Variants in NIBAN1 observed in about 807,000 individuals in gnomAD.
NIBAN1 encodes niban apoptosis regulator 1.
In NIBAN1, 81 loss-of-function variants were observed where a neutral mutation model predicts 75.1. That is an observed-to-expected ratio of 1.08 (90% CI 0.90 to 1.30). The LOEUF is 1.30. Ranked by LOEUF, NIBAN1 falls within the 50% of genes most tolerant of loss-of-function variation. NIBAN1 has a pLI of 0.00. For missense variants in NIBAN1, 1,133 were observed against 1,128.1 expected, an observed-to-expected ratio of 1.00 and a Z score of -0.06; for synonymous variants, 436 against 424.8, an observed-to-expected ratio of 1.03 and a Z score of -0.32.
intron 1 of NIBAN1, among the ~76,000 whole-genome samples, chr1:184,962,673 A>T (rs1658679372): frequency 6.6e-6 from 1 of 152,174 alleles, no homozygotes. Context: ...ATCAAATACT[A>T]CTGGGGTAAT....
intron 5 of NIBAN1, among the ~76,000 whole-genome samples, chr1:184,871,111 C>G (rs1656094615): frequency 6.6e-6 from 1 of 151,970 alleles, no homozygotes; most frequent in Non-Finnish European, 1.5e-5. Flanking sequence ...TTTTGGGAGG[C>G]CAAGGTGGGC....
chr1:184,825,477 T>C (rs1327393582), intron 6 of NIBAN1, among the ~76,000 whole-genome samples: 1 of 152,126 alleles, frequency 6.6e-6, no homozygotes, highest in Non-Finnish European at 1.5e-5. Context: ...AACAAATATT[T>C]GGAACATTTA....
At chr1:184,921,874 T>C (rs1161886926) in intron 1 of NIBAN1, among the ~76,000 whole-genome samples, 1 of 152,240 alleles carries the variant, frequency 6.6e-6, no homozygotes, top group East Asian at 1.9e-4. Flanking sequence ...GCACGTAGGC[T>C]CAACTTTAAA....
At chr1:184,922,011 G>A (rs945877892) in intron 1 of NIBAN1, among the ~76,000 whole-genome samples, 4 of 151,882 alleles carry the variant, frequency 2.6e-5, no homozygotes, top group East Asian at 1.9e-4. Flanking sequence ...TGAATTACAC[G>A]CACATAATTA....
intron 5 of NIBAN1, among the ~76,000 whole-genome samples, chr1:184,860,679 G>A (rs1655794202): frequency 6.6e-6 from 1 of 152,144 alleles, no homozygotes; most frequent in South Asian, 2.1e-4. Context: ...CTGTCCCACT[G>A]ATGAGAAAAT....
chr1:184,881,984 CCT>C (rs1656391145), intron 5 of NIBAN1, among the ~76,000 whole-genome samples: 1 of 152,258 alleles, frequency 6.6e-6, no homozygotes, highest in African/African-American at 2.4e-5. Context: ...ATTTCCAGCT[CCT>C]GTTTAAGATG....
At chr1:184,956,178 G>A (rs540369587) in intron 1 of NIBAN1, among the ~76,000 whole-genome samples, 20 of 152,106 alleles carry the variant, frequency 1.3e-4, no homozygotes, top group East Asian at 3.9e-4. Flanking sequence ...ACAAGCATGC[G>A]CCACTACATT....
At chr1:184,859,136 T>C (rs1655750988) in intron 5 of NIBAN1, among the ~76,000 whole-genome samples, 1 of 151,938 alleles carries the variant, frequency 6.6e-6, no homozygotes, top group Non-Finnish European at 1.5e-5. Context: ...TATGATATGA[T>C]CCAATTTATG....
chr1:184,834,203 G>A (rs1655078142), intron 5 of NIBAN1, among the ~76,000 whole-genome samples: 1 of 152,058 alleles, frequency 6.6e-6, no homozygotes, highest in South Asian at 2.1e-4. Flanking sequence ...CTTTTTTATG[G>A]CTGCATAGTA....
chr1:184,832,970 T>A (rs1655038355), intron 5 of NIBAN1, among the ~76,000 whole-genome samples: 2 of 151,806 alleles, frequency 1.3e-5, no homozygotes, highest in African/African-American at 4.8e-5. Context: ...AAATAATAAA[T>A]AATCAAGCCT....
intron 9 of NIBAN1, among the ~76,000 whole-genome samples, chr1:184,809,382 C>T (rs1329248752): frequency 1.3e-5 from 2 of 152,056 alleles, no homozygotes; most frequent in African/African-American, 2.4e-5. Context: ...CCACTTTGCT[C>T]CTATCAGATT....
intron 1 of NIBAN1, among the ~76,000 whole-genome samples, chr1:184,938,680 A>C (rs968282086): frequency 1.3e-5 from 2 of 152,226 alleles, no homozygotes; most frequent in African/African-American, 4.8e-5. Context: ...CTATTCAGAA[A>C]ATTTAATGAT....
chr1:184,828,671 C>T (rs1654911797), intron 6 of NIBAN1, among the ~76,000 whole-genome samples: 1 of 152,248 alleles, frequency 6.6e-6, no homozygotes, highest in Non-Finnish European at 1.5e-5. Flanking sequence ...AGTTTTCTGA[C>T]TTCAGCCAAC....
intron 5 of NIBAN1, among the ~76,000 whole-genome samples, chr1:184,832,191 A>G (rs1159710350): frequency 1.3e-5 from 2 of 152,188 alleles, no homozygotes; most frequent in South Asian, 2.1e-4. Context: ...TACTGAGCAT[A>G]GTGGTTAGGA....
intron 6 of NIBAN1, among the ~76,000 whole-genome samples, chr1:184,829,133 TC>T (rs1468354183): frequency 2.0e-5 from 3 of 152,168 alleles, no homozygotes; most frequent in Non-Finnish European, 2.9e-5. Context: ...ACTTGATACC[TC>T]CAGTGATTTC....
Position 184,818,694 on chromosome 1 carries a change from C to A in NIBAN1, c.1117G>T (p.Val373Leu). 6.2e-7 allele frequency: 1 copy of A among 1,612,692 alleles called. No homozygotes were observed. Among genetic ancestry groups the A allele is most frequent in the Non-Finnish European group, 8.5e-7 (1 of 1,178,918 alleles). ...SEVRVLFEKE[V>L]NEVSQNFQTT... Reference sequence around the variant, plus strand: ...TGGAAGTTCTGGCTGACTTCATTCACCTCTTTCTCAAAGAGTACACGTACT... The same window carrying A: ...TGGAAGTTCTGGCTGACTTCATTCAACTCTTTCTCAAAGAGTACACGTACT... The change falls in exon 9 of 14, where the codon GTG becomes TTG. Residue 373 changes from valine (V) to leucine (L), a missense_variant. Coordinates refer to ENST00000367511, the MANE Select transcript of NIBAN1 (RefSeq NM_052966.4).
At chr1:184,839,231 TCAAGCAATGGCCACTTAC>T (rs1655216372) in intron 5 of NIBAN1, among the ~76,000 whole-genome samples, 1 of 152,138 alleles carries the variant, frequency 6.6e-6, no homozygotes, top group Admixed American at 6.5e-5. Flanking sequence ...TAGCATGTGG[TCAAGCAATGGCCACTTAC>T]CTCTAAAGTC....
chr1:184,969,670 G>A (rs1400716523), intron 1 of NIBAN1, among the ~76,000 whole-genome samples: 1 of 151,800 alleles, frequency 6.6e-6, no homozygotes, highest in Non-Finnish European at 1.5e-5. Context: ...CTGAAACAGA[G>A]GGCAATATCA....
At chr1:184,925,838 T>A (rs1657667537) in intron 1 of NIBAN1, among the ~76,000 whole-genome samples, 1 of 152,230 alleles carries the variant, frequency 6.6e-6, no homozygotes, top group Non-Finnish European at 1.5e-5. Flanking sequence ...CATCTTTTAG[T>A]CTTTCTACTC....
Sources: gnomAD v4.1 joint callset for allele counts (sites outside exome capture counted in the v4.1 genomes callset) on GRCh38, gnomAD v4.1.1 for gene constraint, MANE v1.5 for transcripts, NCBI Gene and HGNC (gene_info 2026-07-23, HGNC 2026-07-21) for gene names.